Variants in CTCFL observed in about 807,000 individuals in gnomAD.
CTCFL encodes the protein transcriptional repressor CTCFL.
CTCFL carries 36 observed loss-of-function variants against 67.4 expected under a neutral mutation model. That is an observed-to-expected ratio of 0.53 (90% CI 0.41 to 0.71). The LOEUF is 0.71. Ranked by LOEUF, CTCFL falls within the 30% of genes least tolerant of loss-of-function variation. The probability of loss-of-function intolerance (pLI) is 0.00; values close to 1 mark genes in which losing one functional copy is unlikely to be tolerated. For synonymous variants in CTCFL, 324 were observed against 302.3 expected, an observed-to-expected ratio of 1.07 and a Z score of -0.75; for missense variants, 786 against 835.2, an observed-to-expected ratio of 0.94 and a Z score of 0.73.
intron 6 of CTCFL, 78 bp downstream of exon 6, chr20:57,515,636 C>A (rs975492761): frequency 6.3e-7 from 1 of 1,582,904 alleles, no homozygotes; most frequent in Admixed American, 1.7e-5. Context: ...TTAATTGTGC[C>A]AATAAAAAGT....
rs1427632297 is a variant in CTCFL at position 57,524,029 on chromosome 20, G to A, written c.177C>T (p.Ser59=). The A allele has an allele frequency of 1.2e-6, 2 of 1,613,422 alleles. No individual in the cohort carries two copies. The highest frequency in any genetic ancestry group is 3.3e-5 in the Admixed American group (2 of 60,030). Residue 59 remains serine, a synonymous_variant, in exon 2 of 11, where the codon AGC becomes AGT. Transcript: ENST00000243914. The part of the protein sequence containing the change: ...AERTSGAFQD[S]VLEEEVELVL... Reference sequence around the variant, plus strand: ...CCAGCTCCACTTCTTCCTCCAGGACGCTGTCCTGGAAGGCCCCAGAGGTAC... The same window carrying A: ...CCAGCTCCACTTCTTCCTCCAGGACACTGTCCTGGAAGGCCCCAGAGGTAC...
intron 3 of CTCFL, among the ~76,000 whole-genome samples, chr20:57,521,601 A>G (rs2069368034): frequency 6.6e-6 from 1 of 152,196 alleles, no homozygotes; most frequent in Non-Finnish European, 1.5e-5. Context: ...CAGGTGCTCA[A>G]ACAAAAAACT....
At chr20:57,507,263 C>T (rs2068259325) in intron 9 of CTCFL, 1 of 297,128 alleles carries the variant, frequency 3.4e-6, no homozygotes, top group African/African-American at 2.1e-5. Context: ...ACAATCTCAG[C>T]TCACTGCAAC....
chr20:57,512,519 T>G, intron 8 of CTCFL, 73 bp downstream of exon 8: 1 of 1,450,332 alleles, frequency 6.9e-7, no homozygotes, highest in South Asian at 1.2e-5. Context: ...ATCTTCAAGG[T>G]GGTAGAGAAT....
intron 3 of CTCFL, 126 bp downstream of exon 3, chr20:57,522,942 C>A: frequency 1.4e-6 from 1 of 730,058 alleles, no homozygotes; most frequent in South Asian, 1.9e-5. Flanking sequence ...TTTAAAATTT[C>A]TCCCATTTCC....
chr20:57,512,789 G>T, intron 7 of CTCFL, 37 bp from the exon 8 acceptor site: 5 of 1,594,146 alleles, frequency 3.1e-6, no homozygotes, highest in Non-Finnish European at 4.3e-6. Context: ...CTTCAAGAGT[G>T]TTGTTTTCTG....
In CTCFL at chr20:57,524,043, C is replaced by T; in HGVS notation, c.163G>A (p.Ala55Thr). ...TCCTCCAGGACGCTGTCCTGGAAGG[C>T]CCCAGAGGTACGCTCGGCCTCCAAC... Reference protein sequence around the residue: ...SELEAERTSGAFQDSVLEEEV... With the variant: ...SELEAERTSGTFQDSVLEEEV... Residue 55 changes from alanine to threonine, a missense_variant, in exon 2 of 11, where the codon GCC becomes ACC. Ala to Thr is a moderately conservative substitution (Grantham distance 58). This residue lies in a region of CTCFL where 333 missense variants were observed against 304.6 expected (regional missense o/e 1.09). Transcript: ENST00000243914. The T allele has an allele frequency of 1.2e-6, 2 of 1,613,566 alleles. No homozygotes were observed. Among genetic ancestry groups the T allele is most frequent in the South Asian group, 1.1e-5 (1 of 91,078 alleles).
intron 9 of CTCFL, chr20:57,507,888 A>C (rs2068302815): frequency 1.4e-6 from 1 of 702,908 alleles, no homozygotes; most frequent in Non-Finnish European, 2.6e-6. Flanking sequence ...TAAAAGAATA[A>C]AACCATAAAT....
rs752397250 is a variant in CTCFL at position 57,515,722 on chromosome 20, G to A, written c.1172C>T (p.Thr391Met). 7.4e-6 allele frequency: 12 copies of A among 1,614,136 alleles called. No individual in the cohort carries two copies. Among genetic ancestry groups the A allele is most frequent in the South Asian group, 3.3e-5 (3 of 91,084 alleles). The change falls in exon 6 of 11, where the codon ACG (threonine) becomes ATG (methionine). Residue 391 changes from threonine (T) to methionine (M), a missense_variant. By Grantham distance (81) the Thr-to-Met change is moderately conservative. This residue lies in a region of CTCFL where 254 missense variants were observed against 333.9 expected (regional missense o/e 0.76). Transcript: ENST00000243914. ...AGCACCAGAGCCCTTACCTGAGTGCGTTCTCATGTGGCGTTTCAGCTTGTA... is the reference window on the plus strand; with the variant it reads ...AGCACCAGAGCCCTTACCTGAGTGCATTCTCATGTGGCGTTTCAGCTTGTA... Reference protein sequence around the residue: ...DTYKLKRHMRTHSGEKPYECH... With the variant: ...DTYKLKRHMRMHSGEKPYECH...
chr20:57,507,683 C>A, intron 9 of CTCFL: 1 of 703,030 alleles, frequency 1.4e-6, no homozygotes, highest in Non-Finnish European at 2.6e-6. Context: ...TGGCCCCAGT[C>A]CAGCCTTCGG....
intron 10 of CTCFL, among the ~76,000 whole-genome samples, chr20:57,502,447 T>C (rs535927196): frequency 9.2e-5 from 14 of 152,264 alleles, no homozygotes; most frequent in African/African-American, 3.1e-4. Context: ...CTGGGCATCC[T>C]CTATCTGATC....
intron 6 of CTCFL, 96 bp downstream of exon 6, chr20:57,515,618 T>A: frequency 1.3e-6 from 2 of 1,532,594 alleles, no homozygotes; most frequent in Non-Finnish European, 1.8e-6. Flanking sequence ...CACTTTTACC[T>A]TTGAACTTTA....
intron 9 of CTCFL, chr20:57,506,965 T>TAAG (rs1568856928): frequency 1.0e-6 from 1 of 985,044 alleles, no homozygotes; most frequent in Non-Finnish European, 1.2e-6. Flanking sequence ...ACTACTGTTT[T>TAAG]AAGAAGAAAT....
chr20:57,508,831 G>T, intron 8 of CTCFL, 43 bp from the exon 9 acceptor site: 1 of 1,563,890 alleles, frequency 6.4e-7, no homozygotes, highest in Non-Finnish European at 8.8e-7. Context: ...AGTTCAAAGG[G>T]TTTTCTCGAT....
At chr20:57,505,001 T>C (rs2068120313) in intron 9 of CTCFL, among the ~76,000 whole-genome samples, 1 of 151,840 alleles carries the variant, frequency 6.6e-6, no homozygotes, top group Non-Finnish European at 1.5e-5. Context: ...TATCTGGTCT[T>C]ACTGCACCAG....
In CTCFL at chr20:57,513,938, GC is replaced by G. The variant is rs1446563212; in HGVS notation, c.1330+653del. The G allele has an allele frequency of 4.0e-6, 5 of 1,262,800 alleles. No homozygotes were observed. In the African/African-American group the frequency reaches 7.7e-5, roughly 19 times the overall value. The allele number at this position is 1,262,800 out of a possible 1,614,324, so 78.2% of individuals were successfully genotyped here. On this transcript the variant is annotated intron_variant, in intron 7 of 10. Transcript: ENST00000243914. The stretch of plus-strand genomic sequence containing the variant: ...CCCTCCCTCCCATTGCTCAACACTG[GC>G]TGGCTTCCCCACAGGCAGTATCAAA...
chr20:57,518,660 T>C, intron 5 of CTCFL, 98 bp downstream of exon 5: 2 of 1,600,938 alleles, frequency 1.2e-6, no homozygotes, highest in African/African-American at 1.3e-5. Context: ...ATAAAAAGCC[T>C]GTTTGTAACA....
intron 1 of CTCFL, chr20:57,524,437 A>C: frequency 1.5e-6 from 2 of 1,359,048 alleles, no homozygotes; most frequent in Non-Finnish European, 1.9e-6. Context: ...TTTGTACAAA[A>C]CCCTAGAACG....
At chr20:57,523,605 A>C in intron 2 of CTCFL, 58 bp downstream of exon 2, 1 of 1,556,880 alleles carries the variant, frequency 6.4e-7, no homozygotes, top group Non-Finnish European at 8.7e-7. Context: ...ATTGCATAAA[A>C]GCCGACTTGA....
Sources: gnomAD v4.1 joint callset for allele counts (sites outside exome capture counted in the v4.1 genomes callset) on GRCh38, gnomAD v4.1.1 for gene constraint, gnomAD v4.1.1 regional missense constraint, MANE v1.5 for transcripts, NCBI Gene and HGNC (gene_info 2026-07-23, HGNC 2026-07-21) for gene names.